Variants in VAV1 observed in about 807,000 individuals in gnomAD.
VAV1 encodes the protein vav guanine nucleotide exchange factor 1.
VAV1 carries 33 observed loss-of-function variants against 128.1 expected under a neutral mutation model. The ratio of observed to expected loss-of-function variants is 0.26; its 90% CI spans 0.20 to 0.34. VAV1 has a LOEUF of 0.34. Ranked by LOEUF, VAV1 falls within the 10% of genes least tolerant of loss-of-function variation. VAV1 has a pLI of 1.00. For synonymous variants in VAV1, 394 were observed against 409.8 expected (o/e 0.96, Z 0.47); for missense variants, 715 against 1,093.7 (o/e 0.65, Z 4.88).
In VAV1 at chr19:6,784,019, C is replaced by T. The variant is rs7250078; in HGVS notation, c.204+11008C>T. ...CTGTAATCTCAGCACTTTGAGAGGC[C>T]GAGACAGGAGGATTGCTTGAGGCTA... On this transcript the variant is annotated intron_variant, in intron 1 of 26. Coordinates refer to ENST00000602142, the MANE Select transcript of VAV1 (RefSeq NM_005428.4). 3,775 of 396,284 alleles carry T rather than the reference C, an allele frequency of 9.5e-3. 130 individuals are homozygous for T. The highest frequency in any genetic ancestry group is 0.071 in the African/African-American group (3,432 of 48,620). The allele number at this position is 396,284 out of a possible 1,614,324, so 24.5% of individuals were successfully genotyped here.
chr19:6,830,273 G>A (rs994925044), intron 14 of VAV1, among the ~76,000 whole-genome samples: 20 of 151,862 alleles, frequency 1.3e-4, no homozygotes, highest in African/African-American at 4.6e-4. Context: ...TGGCCAGGAT[G>A]GTCTCGATCT....
intron 1 of VAV1, among the ~76,000 whole-genome samples, chr19:6,776,716 C>A (rs1009365060): frequency 1.3e-5 from 2 of 151,984 alleles, no homozygotes; most frequent in African/African-American, 2.4e-5. Context: ...ATCCACCCAC[C>A]CATCTATCCA....
Position 6,828,589 on chromosome 19 carries a change from G to C in VAV1, c.1093-33G>C, listed in dbSNP as rs1245673215. The C allele has an allele frequency of 6.2e-6, 10 of 1,613,510 alleles. No individual in the cohort carries two copies. The highest frequency in any genetic ancestry group is 5.9e-6 in the Non-Finnish European group (7 of 1,179,688). On this transcript the variant is annotated intron_variant, in intron 11 of 26. Coordinates refer to ENST00000602142, the MANE Select transcript of VAV1 (RefSeq NM_005428.4). The surrounding 1 kb of genome is among the most constrained non-coding windows in gnomAD (Gnocchi z 4.5). Reference sequence around the variant, plus strand: ...TAGGTAGGAGCCTGGGTCGGCTGTTGGGGGGCCAGGTTCACCCCTGCCCCC... The same window carrying C: ...TAGGTAGGAGCCTGGGTCGGCTGTTCGGGGGCCAGGTTCACCCCTGCCCCC...
In VAV1 at chr19:6,832,192, G is replaced by A; in HGVS notation, c.1500G>A (p.Glu500=). Residue 500 remains glutamate, a synonymous_variant, in exon 15 of 27, where the codon GAG becomes GAA. Transcript: ENST00000602142. ...AGAAGAAGTGGATGGAGCAGTTTGA[G>A]ATGGCCATGTGAGTCCCCGTCTTCC... is the stretch of plus-strand genomic sequence containing the variant. ...ELKKKWMEQF[E]MAISNIYPEN... is the part of the protein sequence containing the mutation. 4 of 1,614,116 alleles carry A rather than the reference G, an allele frequency of 2.5e-6. No individual in the cohort carries two copies. In the South Asian group the frequency reaches 3.3e-5, roughly 13 times the overall value.
intron 1 of VAV1, among the ~76,000 whole-genome samples, chr19:6,776,353 TATCCATCCATCCATCC>T (rs371099055): frequency 1.4e-5 from 1 of 72,666 alleles, no homozygotes. Context: ...TCCACTCATC[TATCCATCCATCCATCC>T]ATCCATCCAT....
chr19:6,825,177 C>T, intron 7 of VAV1, 56 bp downstream of exon 7: 2 of 1,587,630 alleles, frequency 1.3e-6, no homozygotes, highest in South Asian at 1.1e-5. Context: ...TAACCTGCTG[C>T]CCCTACCTCT....
intron 1 of VAV1, among the ~76,000 whole-genome samples, chr19:6,778,755 A>C (rs1037972129): frequency 3.3e-5 from 5 of 151,906 alleles, no homozygotes; most frequent in African/African-American, 1.2e-4. Context: ...AACAAAACCC[A>C]ATTTTGCCTG....
At chr19:6,798,270 CTG>C (rs372511686) in intron 1 of VAV1, among the ~76,000 whole-genome samples, 16 of 151,752 alleles carry the variant, frequency 1.1e-4, no homozygotes, top group African/African-American at 3.9e-4. Flanking sequence ...GAGTGAGACT[CTG>C]TCTCAAAAAA....
intron 13 of VAV1, among the ~76,000 whole-genome samples, chr19:6,829,439 T>A (rs1972004181): frequency 6.6e-6 from 1 of 151,946 alleles, no homozygotes; most frequent in Admixed American, 6.6e-5. Flanking sequence ...GGCCAGGTTC[T>A]TATGTAGACT....
intron 1 of VAV1, among the ~76,000 whole-genome samples, chr19:6,799,930 G>A (rs1340247785): frequency 6.6e-6 from 1 of 151,280 alleles, no homozygotes; most frequent in Admixed American, 6.6e-5. Flanking sequence ...GTATGGACAT[G>A]TGCTTTCATT....
chr19:6,805,013 G>A (rs957474336), intron 1 of VAV1, among the ~76,000 whole-genome samples: 13 of 151,658 alleles, frequency 8.6e-5, no homozygotes, highest in Non-Finnish European at 2.9e-5. Flanking sequence ...TTACAGGTGT[G>A]AGCCACCGCC....
chr19:6,833,428 T>C (rs1201807450), intron 16 of VAV1, 100 bp from the exon 17 acceptor site: 136 of 1,398,502 alleles, frequency 9.7e-5, no homozygotes, highest in Non-Finnish European at 1.2e-4. Context: ...ACTCTCCTGA[T>C]CTAAAGAGAA....
At chr19:6,849,660 T>G (rs1599682298) in intron 23 of VAV1, among the ~76,000 whole-genome samples, 1 of 152,148 alleles carries the variant, frequency 6.6e-6, no homozygotes, top group Non-Finnish European at 1.5e-5. Flanking sequence ...GTTTAACCCC[T>G]GCTTATAAGT....
chr19:6,805,289 G>A (rs545502808), intron 1 of VAV1, among the ~76,000 whole-genome samples: 3 of 151,490 alleles, frequency 2.0e-5, no homozygotes, highest in African/African-American at 7.3e-5. Flanking sequence ...GCTGGGTATG[G>A]TGGCACACAC....
At chr19:6,849,260 C>T (rs1239226656) in intron 23 of VAV1, among the ~76,000 whole-genome samples, 1 of 149,782 alleles carries the variant, frequency 6.7e-6, no homozygotes, top group African/African-American at 2.5e-5. Flanking sequence ...CCCTCTAGTG[C>T]TCCCCCGAGT....
chr19:6,814,500 A>G (rs1971578946), intron 1 of VAV1, among the ~76,000 whole-genome samples: 2 of 151,820 alleles, frequency 1.3e-5, no homozygotes, highest in South Asian at 4.2e-4. Context: ...CACTTTGTAT[A>G]CTGGTTTTGT....
At chr19:6,833,066 C>A in intron 15 of VAV1, 118 bp from the exon 16 acceptor site, 2 of 846,668 alleles carry the variant, frequency 2.4e-6, no homozygotes, top group East Asian at 5.5e-5. Flanking sequence ...AAAAGCCAAT[C>A]AATGAATGAG....
chr19:6,814,671 C>CTTTCTTTCTTTCCTT (rs540074087), intron 1 of VAV1, among the ~76,000 whole-genome samples: 2 of 25,796 alleles, frequency 7.8e-5, no homozygotes, highest in Admixed American at 6.1e-4. Context: ...TTCCTTCCTT[C>CTTTCTTTCTTTCCTT]CTTTCTTTCT....
At chr19:6,805,583 T>TACACACACAC (rs55732746) in intron 1 of VAV1, among the ~76,000 whole-genome samples, 25,949 of 138,834 alleles carry the variant, frequency 0.19, 2,586 homozygotes, top group East Asian at 0.33. Flanking sequence ...TTTCTACAGA[T>TACACACACAC]ACACACACAC....
Sources: allele counts gnomAD v4.1 joint callset (sites outside exome capture counted in the v4.1 genomes callset), GRCh38; gene constraint gnomAD v4.1.1; non-coding constraint Gnocchi (gnomAD v3.1); transcripts MANE v1.5; gene names NCBI Gene and HGNC (gene_info 2026-07-23, HGNC 2026-07-21).